Variants in ABHD12 observed in about 807,000 individuals in gnomAD.
ABHD12 encodes lysophosphatidylserine lipase ABHD12.
In ABHD12, 43 loss-of-function variants were observed where a neutral mutation model predicts 58.3. The ratio of observed to expected loss-of-function variants is 0.74; its 90% confidence interval spans 0.58 to 0.95. The LOEUF is 0.95. Among genes scored for constraint, ABHD12 ranks in the 40% least tolerant of loss-of-function variants. The probability of loss-of-function intolerance (pLI) is 0.00; values close to 1 mark genes in which losing one functional copy is unlikely to be tolerated. For synonymous variants in ABHD12, 219 were observed against 211.2 expected (o/e 1.04, Z -0.32); for missense variants, 539 against 537.2 (o/e 1.00, Z -0.03).
intron 7 of ABHD12, 102 bp from the exon 8 acceptor site, chr20:25,308,596 A>G: frequency 1.4e-6 from 2 of 1,394,418 alleles, no homozygotes; most frequent in Non-Finnish European, 2.0e-6. Context: ...GGGGTCTGTG[A>G]AGCTACTGGA....
At chr20:25,368,420 G>A in intron 1 of ABHD12, 1 of 1,598,688 alleles carries the variant, frequency 6.3e-7, no homozygotes. Flanking sequence ...CTCAGTCTTG[G>A]CAGTGCAGAT....
At chr20:25,295,143 TTCAGCACATCAGGAAC>T in intron 12 of ABHD12, 1 of 1,129,786 alleles carries the variant, frequency 8.9e-7, no homozygotes, top group East Asian at 2.4e-5. Flanking sequence ...GGCATTTTTG[TTCAGCACATCAGGAAC>T]TGCAAGTCAG....
chr20:25,390,477 G>GGGCCCCCCCCCCCC, intron 1 of ABHD12, 36 bp downstream of exon 1: 2 of 98,528 alleles, frequency 2.0e-5, no homozygotes, highest in Non-Finnish European at 2.7e-5. Flanking sequence ...TGAGGGACCG[G>GGGCCCCCCCCCCCC]CCCCCCCCCC....
intron 2 of ABHD12, 37 bp from the exon 3 acceptor site, chr20:25,323,467 G>A: frequency 4.6e-6 from 6 of 1,308,272 alleles, no homozygotes; most frequent in Non-Finnish European, 6.7e-6. Flanking sequence ...AGGATTACTG[G>A]TGGATGAATA....
intron 1 of ABHD12, among the ~76,000 whole-genome samples, chr20:25,359,557 T>C (rs1221832442): frequency 6.6e-6 from 1 of 152,148 alleles, no homozygotes; most frequent in Non-Finnish European, 1.5e-5. Flanking sequence ...ATTACTGATG[T>C]ATAATAACTT....
intron 1 of ABHD12, among the ~76,000 whole-genome samples, chr20:25,353,862 G>A (rs1258542853): frequency 2.0e-5 from 3 of 152,162 alleles, no homozygotes; most frequent in Non-Finnish European, 4.4e-5. Context: ...ACGTCAGGCC[G>A]TGGTTTCTGC....
chr20:25,358,270 GTCCA>G, intron 1 of ABHD12, among the ~76,000 whole-genome samples: 1 of 152,330 alleles, frequency 6.6e-6, no homozygotes, highest in East Asian at 1.9e-4. Flanking sequence ...GAAGCCAATT[GTCCA>G]TCAATAGGAA....
intron 1 of ABHD12, among the ~76,000 whole-genome samples, chr20:25,360,143 A>G (rs1485059109): frequency 1.3e-5 from 2 of 148,222 alleles, no homozygotes; most frequent in Admixed American, 1.4e-4. Context: ...ATATAGTGGG[A>G]CGTAGGATTC....
At chr20:25,361,134 C>G (rs1341042339) in intron 1 of ABHD12, among the ~76,000 whole-genome samples, 1 of 152,210 alleles carries the variant, frequency 6.6e-6, no homozygotes, top group Non-Finnish European at 1.5e-5. Flanking sequence ...AACCTCCAGT[C>G]CCTGGTCCAC....
In ABHD12 at chr20:25,390,532, T is replaced by C; in HGVS notation, c.172A>G (p.Met58Val). The C allele has an allele frequency of 7.4e-7, 1 of 1,360,514 alleles. No individual in the cohort carries two copies. Among genetic ancestry groups the C allele is most frequent in the South Asian group, 1.3e-5 (1 of 76,378 alleles). 84.3% of individuals were successfully genotyped at this position (1,360,514 alleles called of 1,614,324 possible). A position where few individuals can be genotyped will look rare whatever the true frequency, so the allele number is the denominator to read the frequency against. The change falls in exon 1 of 13, where the codon ATG becomes GTG. Residue 58 changes from methionine (M) to valine (V), a missense_variant. Physicochemically the swap from Met to Val is conservative, Grantham distance 21. Coordinates refer to ENST00000339157, the MANE Select transcript of ABHD12 (RefSeq NM_001042472.3). Reference protein sequence around the residue: ...AEPRCAADAGMKRALGRRKGV... With the variant: ...AEPRCAADAGVKRALGRRKGV... The stretch of plus-strand genomic sequence containing the variant: ...CCTCACCTGCCCAGCGCCCGCTTCA[T>C]TCCCGCGTCGGCTGCGCAGCGCGGC...
chr20:25,331,148 C>G (rs957038589), intron 2 of ABHD12, among the ~76,000 whole-genome samples: 1 of 152,026 alleles, frequency 6.6e-6, no homozygotes, highest in Non-Finnish European at 1.5e-5. Flanking sequence ...AACCAAGGCT[C>G]GAGAACTACG....
chr20:25,329,688 G>A (rs1034409323), intron 2 of ABHD12, among the ~76,000 whole-genome samples: 9 of 152,182 alleles, frequency 5.9e-5, no homozygotes, highest in African/African-American at 2.2e-4. Flanking sequence ...CTGAACAGGG[G>A]GCTAAGTCTC....
intron 1 of ABHD12, among the ~76,000 whole-genome samples, chr20:25,365,241 C>T (rs190998223): frequency 2.8e-4 from 42 of 152,336 alleles, no homozygotes; most frequent in Admixed American, 1.2e-3. Context: ...CACCATGTAT[C>T]CTGTCCCCAT....
intron 6 of ABHD12, among the ~76,000 whole-genome samples, chr20:25,311,871 C>CT (rs976900048): frequency 7.2e-5 from 11 of 152,008 alleles, no homozygotes; most frequent in African/African-American, 2.2e-4. Flanking sequence ...GGCTCAGCTA[C>CT]TTTTTTTTGT....
In ABHD12 at chr20:25,303,606, G is replaced by C. The variant is rs538921932; in HGVS notation, c.973C>G (p.Leu325Val). ...TCGTCCTCAGCGTGCAGGATGAGCAGGGGACAGGAGATGTGCTTCACGCTG... is the reference window on the plus strand; with the variant it reads ...TCGTCCTCAGCGTGCAGGATGAGCACGGGACAGGAGATGTGCTTCACGCTG... Reference protein sequence around the residue: ...DENVKHISCPLLILHAEDDPV... With the variant: ...DENVKHISCPVLILHAEDDPV... Residue 325 changes from leucine to valine, a missense_variant, in exon 11 of 13, where the codon CTG (leucine) becomes GTG (valine). Transcript: ENST00000339157. The C allele has an allele frequency of 3.1e-6, 5 of 1,613,822 alleles. No individual in the cohort carries two copies. In the South Asian group the frequency reaches 4.4e-5, roughly 14 times the overall value.
chr20:25,296,438 G>A (rs200544574), downstream of ABHD12: 17 of 1,614,038 alleles, frequency 1.1e-5, no homozygotes, highest in Non-Finnish European at 1.4e-5. Context: ...CCAGTGACCG[G>A]ACCATCACGG....
intron 1 of ABHD12, among the ~76,000 whole-genome samples, chr20:25,374,003 A>G (rs998993846): frequency 1.4e-4 from 22 of 152,158 alleles, no homozygotes; most frequent in Admixed American, 1.4e-3. Context: ...TGGCTCATGC[A>G]GTCTTGACCT....
chr20:25,323,398 G>A lies in ABHD12; in HGVS notation c.349C>T (p.Pro117Ser). ...RVPYFIDLKK[P>S]QDQGLNHTCN... ...GTGTGATTCAAACCTTGATCCTGTGGTTTTTTCAAATCAATGAAATAGGGA... is the reference window on the plus strand; with the variant it reads ...GTGTGATTCAAACCTTGATCCTGTGATTTTTTCAAATCAATGAAATAGGGA... Residue 117 changes from proline (P) to serine (S), a missense_variant, in exon 3 of 13, where the codon CCA (proline) becomes TCA (serine). Pro to Ser is a moderately conservative substitution (Grantham distance 74). Transcript: ENST00000339157. The A allele has an allele frequency of 1.9e-6, 3 of 1,613,688 alleles. No homozygotes were observed. Among genetic ancestry groups the A allele is most frequent in the Non-Finnish European group, 2.5e-6 (3 of 1,179,620 alleles).
At chr20:25,363,729 G>A (rs1600856014) in intron 1 of ABHD12, among the ~76,000 whole-genome samples, 1 of 151,986 alleles carries the variant, frequency 6.6e-6, no homozygotes, top group Non-Finnish European at 1.5e-5. Flanking sequence ...GCTGGGCATG[G>A]TGGCACATGC....
Sources: gnomAD v4.1 joint callset for allele counts (sites outside exome capture counted in the v4.1 genomes callset) on GRCh38, gnomAD v4.1.1 for gene constraint, MANE v1.5 for transcripts, NCBI Gene and HGNC (gene_info 2026-07-23, HGNC 2026-07-21) for gene names.